Variants in CDH4 observed in about 807,000 individuals in gnomAD.
The protein encoded by CDH4 is cadherin-4.
Under a neutral mutation model 86.0 loss-of-function variants are expected in CDH4, and 33 were observed. That is an observed-to-expected ratio of 0.38 (90% CI 0.29 to 0.51). The LOEUF (loss-of-function observed/expected upper bound fraction) is 0.51. Among genes scored for constraint, CDH4 ranks in the 20% least tolerant of loss-of-function variants. The probability of loss-of-function intolerance (pLI) is 0.86; values close to 1 mark genes in which losing one functional copy is unlikely to be tolerated. For missense variants in CDH4, 1,114 were observed against 1,307.4 expected, an observed-to-expected ratio of 0.85 and a Z score of 2.28; for synonymous variants, 555 against 549.4, an observed-to-expected ratio of 1.01 and a Z score of -0.14.
chr20:61,835,414 A>C (rs1981825174), intron 4 of CDH4, among the ~76,000 whole-genome samples: 1 of 152,206 alleles, frequency 6.6e-6, no homozygotes, highest in Admixed American at 6.5e-5. Flanking sequence ...GGCTAGGATG[A>C]CAATTCCACT....
chr20:61,864,666 C>A (rs1025758572), intron 6 of CDH4, among the ~76,000 whole-genome samples: 1 of 152,188 alleles, frequency 6.6e-6, no homozygotes, highest in Non-Finnish European at 1.5e-5. Flanking sequence ...CAGAGCCAAG[C>A]CCTTGCCAGC....
intron 2 of CDH4, among the ~76,000 whole-genome samples, chr20:61,702,777 C>T (rs1489212611): frequency 6.6e-6 from 1 of 152,164 alleles, no homozygotes. Context: ...TCTAGTTTAT[C>T]GTGTTATTTT....
intron 2 of CDH4, among the ~76,000 whole-genome samples, chr20:61,273,010 T>C (rs1400496627): frequency 2.7e-5 from 1 of 37,392 alleles, no homozygotes; most frequent in African/African-American, 1.2e-4. Context: ...TGGGGGAGTA[T>C]TGGGGGAGTA....
intron 2 of CDH4, among the ~76,000 whole-genome samples, chr20:61,447,616 T>C (rs1305430155): frequency 6.9e-6 from 1 of 144,812 alleles, no homozygotes; most frequent in Non-Finnish European, 1.5e-5. Context: ...CCCTGCTCAT[T>C]CTACTTCCTT....
chr20:61,837,886 G>C (rs147430730), intron 4 of CDH4, among the ~76,000 whole-genome samples: 1 of 152,046 alleles, frequency 6.6e-6, no homozygotes, highest in East Asian at 1.9e-4. Context: ...TTGCTGGGTC[G>C]GCCACATCTC....
chr20:61,340,406 A>C (rs2123281506), intron 2 of CDH4, among the ~76,000 whole-genome samples: 1 of 152,208 alleles, frequency 6.6e-6, no homozygotes, highest in South Asian at 2.1e-4. Flanking sequence ...GAATAAACCA[A>C]GTCCGGTGTC....
chr20:61,885,854 G>A (rs980729959), intron 7 of CDH4, among the ~76,000 whole-genome samples: 7 of 152,190 alleles, frequency 4.6e-5, no homozygotes, highest in African/African-American at 1.4e-4. Context: ...GCTCCATCTC[G>A]CAGCTTCCAA....
At chr20:61,737,829 A>G (rs1442877693) in intron 2 of CDH4, among the ~76,000 whole-genome samples, 2 of 152,182 alleles carry the variant, frequency 1.3e-5, no homozygotes, top group Non-Finnish European at 2.9e-5. Context: ...CCCATTTCAC[A>G]GAAACAAAGA....
chr20:61,451,123 C>CA (rs1568849718), intron 2 of CDH4, among the ~76,000 whole-genome samples: 1 of 73,138 alleles, frequency 1.4e-5, no homozygotes, highest in African/African-American at 1.1e-4. Flanking sequence ...CCCTCTCACG[C>CA]CCCCCCCCTT....
At chr20:61,387,377 CACAA>C (rs1329106214) in intron 2 of CDH4, among the ~76,000 whole-genome samples, 2 of 151,894 alleles carry the variant, frequency 1.3e-5, no homozygotes, top group African/African-American at 2.4e-5. Flanking sequence ...CACACAGCCA[CACAA>C]ACATACACAT....
At chr20:61,296,269 G>GTGTGCATGTGTGCA (rs139087257) in intron 2 of CDH4, among the ~76,000 whole-genome samples, 1 of 144,458 alleles carries the variant, frequency 6.9e-6, no homozygotes, top group Non-Finnish European at 1.5e-5. Context: ...GTGCGTGTGT[G>GTGTGCATGTGTGCA]TGTGTGCGTG....
chr20:61,534,169 A>G lies in CDH4; in HGVS notation c.170-209394A>G, dbSNP rs536216178. On this transcript the variant is annotated intron_variant, in intron 2 of 15. Transcript: ENST00000614565. Reference sequence around the variant, plus strand: ...GAAATATTGATTTTTGGAGGCATTTATTCTGTGCATTATGTAAAATTCTAT... The same window carrying G: ...GAAATATTGATTTTTGGAGGCATTTGTTCTGTGCATTATGTAAAATTCTAT... 7.2e-5 allele frequency among the ~76,000 whole-genome samples: 11 copies of G among 152,340 alleles called. 1 individual carries two copies. In the East Asian group the frequency reaches 1.3e-3, roughly 19 times the overall value.
chr20:61,505,339 C>A (rs376916101), intron 2 of CDH4, among the ~76,000 whole-genome samples: 1 of 152,146 alleles, frequency 6.6e-6, no homozygotes, highest in Admixed American at 6.5e-5. Context: ...TGCTTCAGAG[C>A]GTTTCTAGGA....
chr20:61,396,401 A>G lies in CDH4; in HGVS notation c.169+141464A>G, dbSNP rs1321633209. Among the ~76,000 whole-genome samples the G allele has an allele frequency of 5.9e-5, 9 of 152,318 alleles. No individual in the cohort carries two copies. In the East Asian group the frequency reaches 1.7e-3, roughly 29 times the overall value. On this transcript the variant is annotated intron_variant, in intron 2 of 15. Coordinates refer to ENST00000614565, the MANE Select transcript of CDH4 (RefSeq NM_001794.5). ...CATCATGGAGCTCGGCAAGAGGCTCAGGAGGATCTGGAAAGCACGTGGACT... is the reference window on the plus strand; with the variant it reads ...CATCATGGAGCTCGGCAAGAGGCTCGGGAGGATCTGGAAAGCACGTGGACT...
At chr20:61,373,484 T>G (rs1214861879) in intron 2 of CDH4, among the ~76,000 whole-genome samples, 1 of 152,254 alleles carries the variant, frequency 6.6e-6, no homozygotes, top group African/African-American at 2.4e-5. Flanking sequence ...GTGCTGGATG[T>G]TCTCCCATTA....
intron 2 of CDH4, among the ~76,000 whole-genome samples, chr20:61,458,954 C>CTT (rs201562406): frequency 2.8e-5 from 4 of 142,978 alleles, no homozygotes; most frequent in East Asian, 4.1e-4. Context: ...GCTATCCCCA[C>CTT]TTTTTTTTTT....
intron 2 of CDH4, among the ~76,000 whole-genome samples, chr20:61,572,486 G>A (rs1408378927): frequency 6.6e-6 from 1 of 152,094 alleles, no homozygotes; most frequent in African/African-American, 2.4e-5. Flanking sequence ...GGCCGGCTGG[G>A]GTGAGCCTCT....
At position 61,544,176 on chromosome 20, in the gene CDH4, T is replaced by C. The variant is rs1484173154; in HGVS notation, c.170-199387T>C. On this transcript the variant is annotated intron_variant, in intron 2 of 15. Coordinates refer to ENST00000614565, the MANE Select transcript of CDH4 (RefSeq NM_001794.5). The surrounding 1 kb of genome is among the most constrained non-coding windows in gnomAD (Gnocchi z 6.5). ...TGTGGTCTCTTTAGATCTGCGGTTCTCTTTCAGAGATGATGCTGCCCCGTC... is the reference window on the plus strand; with the variant it reads ...TGTGGTCTCTTTAGATCTGCGGTTCCCTTTCAGAGATGATGCTGCCCCGTC... Among the ~76,000 whole-genome samples, 6 of 152,206 alleles carry C rather than the reference T, an allele frequency of 3.9e-5. No individual in the cohort carries two copies. The highest frequency in any genetic ancestry group is 1.4e-4 in the African/African-American group (6 of 41,460).
chr20:61,581,109 C>T (rs915035838), intron 2 of CDH4, among the ~76,000 whole-genome samples: 1 of 152,202 alleles, frequency 6.6e-6, no homozygotes, highest in African/African-American at 2.4e-5. Flanking sequence ...GGGTCTTCCT[C>T]CCAGGAGTCG....
Sources: allele counts gnomAD v4.1 joint callset (sites outside exome capture counted in the v4.1 genomes callset), GRCh38; gene constraint gnomAD v4.1.1; non-coding constraint Gnocchi (gnomAD v3.1); transcripts MANE v1.5; gene names NCBI Gene and HGNC (gene_info 2026-07-23, HGNC 2026-07-21).